Variants in CDC42 observed in about 807,000 individuals in gnomAD.
The protein encoded by CDC42 is cell division control protein 42 homolog.
Under a neutral mutation model 20.8 loss-of-function variants are expected in CDC42, and 1 was observed. That is an observed-to-expected ratio of 0.05 (90% confidence interval 0.02 to 0.23). The LOEUF (loss-of-function observed/expected upper bound fraction) is 0.23. CDC42 is among the 10% of genes least tolerant of loss of function. The pLI is 1.00. For missense variants in CDC42, 49 were observed against 227.9 expected, an observed-to-expected ratio of 0.21 and a Z score of 5.05; for synonymous variants, 72 against 84.8, an observed-to-expected ratio of 0.85 and a Z score of 0.83.
intron 1 of CDC42, among the ~76,000 whole-genome samples, chr1:22,061,771 G>T (rs1223693034): frequency 1.3e-5 from 2 of 151,516 alleles, no homozygotes; most frequent in African/African-American, 2.4e-5. Context: ...GTGTTGGCCA[G>T]GCTGGTCTCG....
chr1:22,066,427 T>C (rs1157064883), intron 1 of CDC42, among the ~76,000 whole-genome samples: 1 of 152,062 alleles, frequency 6.6e-6, no homozygotes, highest in East Asian at 1.9e-4. Flanking sequence ...AAAAATAACA[T>C]GGTTAATTAC....
At chr1:22,062,794 A>G (rs1444774278) in intron 1 of CDC42, among the ~76,000 whole-genome samples, 3 of 149,476 alleles carry the variant, frequency 2.0e-5, no homozygotes, top group South Asian at 2.1e-4. Flanking sequence ...CCATTTGTCT[A>G]TGGTACAAAC....
At chr1:22,062,498 C>T (rs1317073849) in intron 1 of CDC42, among the ~76,000 whole-genome samples, 1 of 152,060 alleles carries the variant, frequency 6.6e-6, no homozygotes, top group Non-Finnish European at 1.5e-5. Context: ...TGATTTCATT[C>T]TTGTAGACTT....
At position 22,099,687 on chromosome 1, in the gene CDC42, A is replaced by G. The variant is rs1645777783; in HGVS notation, c.*8170A>G. The stretch of plus-strand genomic sequence containing the variant: ...AGGATCAGTTGTAGCATGAGAGAAT[A>G]TGACACCTTCTTCCTTTAGAGGATC... On this transcript the variant is annotated 3_prime_UTR_variant, in exon 6 of 6. Coordinates refer to ENST00000656825, the MANE Select transcript of CDC42 (RefSeq NM_001791.4). Among the ~76,000 whole-genome samples the G allele has an allele frequency of 6.6e-6, 1 of 152,154 alleles. No homozygotes were observed. Among genetic ancestry groups the G allele is most frequent in the South Asian group, 2.1e-4 (1 of 4,830 alleles).
rs1278750599 is a variant in CDC42 at position 22,099,433 on chromosome 1, A to T, written c.*7916A>T. On this transcript the variant is annotated 3_prime_UTR_variant, in exon 6 of 6. Transcript: ENST00000656825. ...ATGGAGCAGGACTCTGAGACATCAT[A>T]ATTGCTTGGTATATGCAGCCAGAGT... is the stretch of plus-strand genomic sequence containing the variant. Among the ~76,000 whole-genome samples, 1 of 152,210 alleles carries T rather than the reference A, an allele frequency of 6.6e-6. No homozygotes were observed. The highest frequency in any genetic ancestry group is 1.5e-5 in the Non-Finnish European group (1 of 68,036).
chr1:22,061,705 G>A (rs947852303), intron 1 of CDC42, among the ~76,000 whole-genome samples: 7 of 149,174 alleles, frequency 4.7e-5, no homozygotes, highest in African/African-American at 1.7e-4. Flanking sequence ...CACCATGCCC[G>A]GCTAATTTTT....
chr1:22,065,776 CG>C (rs896500016), intron 1 of CDC42, among the ~76,000 whole-genome samples: 5 of 80,162 alleles, frequency 6.2e-5, no homozygotes, highest in African/African-American at 2.3e-4. Context: ...TTTTGGGGGG[CG>C]GGGGAGGGGT....
intron 2 of CDC42, 178 bp downstream of exon 2, chr1:22,078,761 G>C (rs1645577249): frequency 6.7e-7 from 1 of 1,487,332 alleles, no homozygotes. Context: ...AAAATCAGTG[G>C]AAAGTCAGAA....
intron 1 of CDC42, chr1:22,059,807 G>C (rs1309293657): frequency 6.6e-6 from 1 of 152,086 alleles, no homozygotes; most frequent in African/African-American, 2.4e-5. Flanking sequence ...GCCTCCCAAA[G>C]TGCTGGGATT....
intron 2 of CDC42, chr1:22,078,886 C>CTTTTT: frequency 4.0e-6 from 4 of 1,000,584 alleles, no homozygotes; most frequent in South Asian, 1.9e-5. Flanking sequence ...AATGAGGTGA[C>CTTTTT]TTTTTTTTTT....
chr1:22,072,748 T>C (rs1201092142), intron 1 of CDC42, among the ~76,000 whole-genome samples: 2 of 152,236 alleles, frequency 1.3e-5, no homozygotes, highest in South Asian at 2.1e-4. Context: ...GAATTTGTTA[T>C]GAAAAACAAG....
intron 2 of CDC42, chr1:22,078,811 A>G (rs1384009146): frequency 6.9e-7 from 1 of 1,438,938 alleles, no homozygotes; most frequent in Non-Finnish European, 9.2e-7. Flanking sequence ...GGGAGGCAAA[A>G]CTCCAGTAGA....
chr1:22,054,912 TATATATATA>T (rs1333342172), intron 1 of CDC42, among the ~76,000 whole-genome samples: 381 of 17,934 alleles, frequency 0.021, 6 homozygotes, highest in East Asian at 0.099. Context: ...TATATATATA[TATATATATA>T]TTTTTTTTTT....
chr1:22,084,272 A>G (rs1570031733), intron 3 of CDC42, among the ~76,000 whole-genome samples: 1 of 137,258 alleles, frequency 7.3e-6, no homozygotes, highest in East Asian at 2.2e-4. Flanking sequence ...CCCATTTTAT[A>G]TTCCTACCAA....
chr1:22,074,646 C>G (rs1335398843), intron 1 of CDC42, among the ~76,000 whole-genome samples: 1 of 152,110 alleles, frequency 6.6e-6, no homozygotes, highest in Non-Finnish European at 1.5e-5. Context: ...TCTTGAACTC[C>G]TCAGCTCTAG....
chr1:22,096,410 C>T lies in CDC42; in HGVS notation c.*4893C>T, dbSNP rs995996088. Among the ~76,000 whole-genome samples the T allele has an allele frequency of 6.6e-6, 1 of 152,194 alleles. No individual in the cohort carries two copies. The highest frequency in any genetic ancestry group is 2.4e-5 in the African/African-American group (1 of 41,450). ...CTTACAGTTTTGATAGCTGCTTTCT[C>T]TTGAATAACTATGTCATCTCTTTCC... On this transcript the variant is annotated 3_prime_UTR_variant, in exon 6 of 6. Transcript: ENST00000656825.
rs529393607 is a variant in CDC42, at chr1:22,083,179, C to A, written c.178+1385C>A. On this transcript the variant is annotated intron_variant, in intron 3 of 5. Transcript: ENST00000656825. ...TACAGGTGTGAACCACTGCGCCTGGCGAGAAAAGATAATTTATGGCTACTT... is the reference window on the plus strand; with the variant it reads ...TACAGGTGTGAACCACTGCGCCTGGAGAGAAAAGATAATTTATGGCTACTT... 2.0e-5 allele frequency among the ~76,000 whole-genome samples: 3 copies of A among 151,866 alleles called. No homozygotes were observed. In the South Asian group the frequency reaches 6.2e-4, roughly 32 times the overall value.
chr1:22,069,849 A>G lies in CDC42; in HGVS notation c.-50-8580A>G, dbSNP rs138873737. 1.3e-3 allele frequency among the ~76,000 whole-genome samples: 195 copies of G among 152,098 alleles called. 1 individual carries two copies. The highest frequency in any genetic ancestry group is 6.8e-3 in the Middle Eastern group (2 of 294). On this transcript the variant is annotated intron_variant, in intron 1 of 5. Transcript: ENST00000656825. The stretch of plus-strand genomic sequence containing the variant: ...CCCTGTGTTGCCCAGGCTGGAGTGC[A>G]GTGGCATAATCTTGGCTTACTTGCA...
chr1:22,066,978 G>C (rs1019372087), intron 1 of CDC42, among the ~76,000 whole-genome samples: 1 of 152,264 alleles, frequency 6.6e-6, no homozygotes, highest in South Asian at 2.1e-4. Flanking sequence ...CTGGAAAATC[G>C]CTTGAACCTG....
Sources: gnomAD v4.1 joint callset for allele counts (sites outside exome capture counted in the v4.1 genomes callset) on GRCh38, gnomAD v4.1.1 for gene constraint, MANE v1.5 for transcripts, NCBI Gene and HGNC (gene_info 2026-07-23, HGNC 2026-07-21) for gene names.